PITPNA: variants seen among roughly 807,000 people sequenced by gnomAD.
The protein encoded by PITPNA is phosphatidylinositol transfer protein alpha.
In PITPNA, 13 loss-of-function variants were observed where a neutral mutation model predicts 50.3. The observed-to-expected ratio is 0.26, with a 90% CI of 0.17 to 0.41. PITPNA has a LOEUF of 0.41. Among genes scored for constraint, PITPNA ranks in the 10% least tolerant of loss-of-function variants. The pLI is 1.00. For synonymous variants in PITPNA, 120 were observed against 119.6 expected, an observed-to-expected ratio of 1.00 and a Z score of -0.02; for missense variants, 207 against 333.4, an observed-to-expected ratio of 0.62 and a Z score of 2.95.
At chr17:1,534,330 G>T in intron 9 of PITPNA, 109 bp from the exon 10 acceptor site, 1 of 1,366,938 alleles carries the variant, frequency 7.3e-7, no homozygotes, top group Non-Finnish European at 1.0e-6. Context: ...GGGACGGGCG[G>T]ACAGGAGGAG....
Position 1,562,576 on chromosome 17 carries a change from G to T in PITPNA, c.-16C>A. The T allele has an allele frequency of 7.6e-7, 1 of 1,307,598 alleles. No individual in the cohort carries two copies. The allele number at this position is 1,307,598 out of a possible 1,614,324, so 81.0% of individuals were successfully genotyped here. On this transcript the variant is annotated 5_prime_UTR_variant, in exon 1 of 12. Coordinates refer to ENST00000313486, the MANE Select transcript of PITPNA (RefSeq NM_006224.4). The surrounding 1 kb of genome is among the most constrained non-coding windows in gnomAD (Gnocchi z 6.4). Reference sequence around the variant, plus strand: ...GCAGCACCATGTCGCTTCGCGGCTCGGTGGCTGCCCGCGGCCCGCCCGGCC... The same window carrying T: ...GCAGCACCATGTCGCTTCGCGGCTCTGTGGCTGCCCGCGGCCCGCCCGGCC...
chr17:1,550,173 A>T (rs1269422350), intron 3 of PITPNA, among the ~76,000 whole-genome samples: 1 of 152,204 alleles, frequency 6.6e-6, no homozygotes, highest in Non-Finnish European at 1.5e-5. Flanking sequence ...GCAGGGGGAC[A>T]CACAGAGAAA....
rs527242818 is a variant in PITPNA at position 1,541,445 on chromosome 17, G to C, written c.372+121C>G. On this transcript the variant is annotated intron_variant, in intron 6 of 11. Transcript: ENST00000313486. ...GCTGGTAAGATAGGTCTAGGCAGAG[G>C]CCACTGCCTTCCCGGCCAGGCAAAA... is the stretch of plus-strand genomic sequence containing the variant. The C allele has an allele frequency of 5.9e-5, 43 of 734,784 alleles. 1 individual carries two copies. The South Asian group carries it at 6.2e-4, about 11-fold the overall frequency. The allele number at this position is 734,784 out of a possible 1,614,324, so 45.5% of individuals were successfully genotyped here. A position where few individuals can be genotyped will look rare whatever the true frequency, so the allele number is the denominator to read the frequency against.
At chr17:1,530,339 G>A (rs1270688522) in intron 10 of PITPNA, among the ~76,000 whole-genome samples, 1 of 151,366 alleles carries the variant, frequency 6.6e-6, no homozygotes, top group African/African-American at 2.4e-5. Flanking sequence ...GGGAAAGGGA[G>A]AAAAAAGGCA....
At chr17:1,535,854 C>A in intron 7 of PITPNA, 1 of 281,744 alleles carries the variant, frequency 3.5e-6, no homozygotes. Context: ...TTTTAAAACA[C>A]AGATTTTTGA....
At chr17:1,544,158 C>T (rs1302722586) in intron 4 of PITPNA, among the ~76,000 whole-genome samples, 1 of 152,214 alleles carries the variant, frequency 6.6e-6, no homozygotes, top group African/African-American at 2.4e-5. Context: ...CTCTCCGAGA[C>T]GTGCTCATCA....
At chr17:1,536,351 G>A (rs2075615873) in intron 7 of PITPNA, among the ~76,000 whole-genome samples, 1 of 149,136 alleles carries the variant, frequency 6.7e-6, no homozygotes, top group South Asian at 2.1e-4. Context: ...GCAGTAGCGC[G>A]ATCTCGGCTC....
chr17:1,541,965 C>T (rs148349431), intron 5 of PITPNA, among the ~76,000 whole-genome samples: 89 of 151,982 alleles, frequency 5.9e-4, no homozygotes, highest in African/African-American at 2.0e-3. Context: ...TTTGGGAGGC[C>T]GAGGCGGGCG....
chr17:1,538,507 T>G (rs988803962), intron 7 of PITPNA: 2 of 179,044 alleles, frequency 1.1e-5, no homozygotes, highest in African/African-American at 4.8e-5. Context: ...CACAACCCAG[T>G]AGGCAGGAAG....
At chr17:1,530,091 C>T (rs1311394130) in intron 10 of PITPNA, among the ~76,000 whole-genome samples, 3 of 151,972 alleles carry the variant, frequency 2.0e-5, no homozygotes, top group African/African-American at 4.8e-5. Context: ...TCTTAGCATA[C>T]GTGATAGGCA....
chr17:1,556,703 G>A (rs1027636032), intron 2 of PITPNA, among the ~76,000 whole-genome samples: 23 of 152,210 alleles, frequency 1.5e-4, no homozygotes, highest in African/African-American at 5.3e-4. Flanking sequence ...CAGCAGAGAG[G>A]ACGTCACTGG....
intron 3 of PITPNA, among the ~76,000 whole-genome samples, chr17:1,548,913 T>C (rs987581341): frequency 6.6e-6 from 1 of 152,206 alleles, no homozygotes; most frequent in Non-Finnish European, 1.5e-5. Flanking sequence ...TTTTTGTTTG[T>C]TTGTTTGAGA....
Position 1,562,658 on chromosome 17 carries a change from G to T in PITPNA, c.-98C>A. ...GTGGCCCGGCCCGGCCCGGCTGCCT[G>T]TGCGTCTTCGTCGTGCTCTGCTCCG... On this transcript the variant is annotated 5_prime_UTR_variant, in exon 1 of 12. Coordinates refer to ENST00000313486, the MANE Select transcript of PITPNA (RefSeq NM_006224.4). The surrounding 1 kb of genome is among the most constrained non-coding windows in gnomAD (Gnocchi z 6.4). The T allele has an allele frequency of 1.2e-6, 1 of 856,602 alleles. No homozygotes were observed. The highest frequency in any genetic ancestry group is 1.5e-6 in the Non-Finnish European group (1 of 674,652). 53.1% of individuals were successfully genotyped at this position (856,602 alleles called of 1,614,324 possible).
chr17:1,521,507 A>G, intron 11 of PITPNA, 72 bp downstream of exon 11: 2 of 985,320 alleles, frequency 2.0e-6, no homozygotes, highest in Non-Finnish European at 1.6e-6. Flanking sequence ...CTCCATAGTG[A>G]GCTGCTGAGG....
chr17:1,558,678 AC>A, intron 1 of PITPNA, 119 bp from the exon 2 acceptor site: 1 of 727,138 alleles, frequency 1.4e-6, no homozygotes, highest in Non-Finnish European at 2.4e-6. Context: ...AAATTCAGTG[AC>A]GAAAACCCCA....
At position 1,553,018 on chromosome 17, in the gene PITPNA, G is replaced by T; in HGVS notation, c.183C>A (p.Ile61=). 2 of 1,613,952 alleles carry T rather than the reference G, an allele frequency of 1.2e-6. No individual in the cohort carries two copies. Among genetic ancestry groups the T allele is most frequent in the South Asian group, 1.1e-5 (1 of 91,084 alleles). ...DGEKGQYTHK[I]YHLQSKVPTF... ...ATGCCGCATACCTCTGCAGGTGGTA[G>T]ATCTTGTGTGTGTACTGGCCTTTCT... The change falls in exon 3 of 12, where the codon ATC becomes ATA. Residue 61 remains isoleucine, a synonymous_variant. Coordinates refer to ENST00000313486, the MANE Select transcript of PITPNA (RefSeq NM_006224.4).
intron 10 of PITPNA, 140 bp from the exon 11 acceptor site, chr17:1,521,785 G>A: frequency 1.4e-6 from 1 of 691,868 alleles, no homozygotes; most frequent in Non-Finnish European, 2.6e-6. Context: ...TTCTGCATAT[G>A]GACTCGAAGC....
chr17:1,541,452 C>A, intron 6 of PITPNA, 114 bp downstream of exon 6: 3 of 768,436 alleles, frequency 3.9e-6, no homozygotes, highest in South Asian at 2.9e-5. Flanking sequence ...GAGGCCACTG[C>A]CTTCCCGGCC....
chr17:1,539,315 C>G (rs1024344623), intron 6 of PITPNA, among the ~76,000 whole-genome samples: 1 of 151,334 alleles, frequency 6.6e-6, no homozygotes, highest in African/African-American at 2.4e-5. Context: ...TGCCTAGGCC[C>G]GAGTGATCCT....
Sources: allele counts gnomAD v4.1 joint callset (sites outside exome capture counted in the v4.1 genomes callset), GRCh38; gene constraint gnomAD v4.1.1; non-coding constraint Gnocchi (gnomAD v3.1); transcripts MANE v1.5; gene names NCBI Gene and HGNC (gene_info 2026-07-23, HGNC 2026-07-21).